TYW1B: variants seen among roughly 807,000 people sequenced by gnomAD.
The protein encoded by TYW1B is S-adenosyl-L-methionine-dependent tRNA 4-demethylwyosine synthase TYW1B.
TYW1B carries 73 observed loss-of-function variants against 86.9 expected under a neutral mutation model. The ratio of observed to expected loss-of-function variants is 0.84; its 90% confidence interval spans 0.70 to 1.02. TYW1B has a LOEUF of 1.02. Among genes scored for constraint, TYW1B ranks in the 50% least tolerant of loss-of-function variants. The pLI is 0.00. For synonymous variants in TYW1B, 248 were observed against 292.8 expected (o/e 0.85, Z 1.56); for missense variants, 637 against 827.4 (o/e 0.77, Z 2.82).
At chr7:72,750,148 A>G (rs1026617977) in intron 7 of TYW1B, among the ~76,000 whole-genome samples, 3 of 151,596 alleles carry the variant, frequency 2.0e-5, no homozygotes, top group African/African-American at 7.3e-5. Flanking sequence ...TAATTGGCCC[A>G]CCTCAGCCTC....
intron 13 of TYW1B, among the ~76,000 whole-genome samples, chr7:72,593,439 C>T (rs1352374078): frequency 2.6e-5 from 4 of 152,100 alleles, no homozygotes; most frequent in Admixed American, 1.3e-4. Flanking sequence ...CCAGGAAAGG[C>T]GGTAAGTTAG....
chr7:72,667,223 G>A (rs1458054867), intron 11 of TYW1B, among the ~76,000 whole-genome samples: 1 of 151,954 alleles, frequency 6.6e-6, no homozygotes, highest in African/African-American at 2.4e-5. Flanking sequence ...AAATTAGTAG[G>A]CCTTTCAAAT....
chr7:72,712,435 T>C (rs1170325504), intron 10 of TYW1B, among the ~76,000 whole-genome samples: 1 of 152,074 alleles, frequency 6.6e-6, no homozygotes, highest in Non-Finnish European at 1.5e-5. Context: ...TTCAAGCGAT[T>C]CTCCTGCCTC....
chr7:72,815,735 T>C (rs529159522), intron 2 of TYW1B, among the ~76,000 whole-genome samples: 1 of 152,276 alleles, frequency 6.6e-6, no homozygotes, highest in East Asian at 1.9e-4. Context: ...CAATCTGCCT[T>C]GCCCTACTAG....
intron 8 of TYW1B, 97 bp from the exon 9 acceptor site, chr7:72,729,028 TC>T (rs1787057660): frequency 4.3e-6 from 5 of 1,170,174 alleles, no homozygotes; most frequent in Non-Finnish European, 3.7e-6. Context: ...AATCACAAAA[TC>T]AGGACTGGTT....
At chr7:72,586,729 G>A (rs1427516267) in intron 13 of TYW1B, among the ~76,000 whole-genome samples, 2 of 149,670 alleles carry the variant, frequency 1.3e-5, no homozygotes, top group Admixed American at 6.8e-5. Context: ...AGAGTGAGAC[G>A]CCCATCTCAA....
chr7:72,609,593 A>C (rs1307749795), intron 13 of TYW1B, among the ~76,000 whole-genome samples: 1 of 152,070 alleles, frequency 6.6e-6, no homozygotes, highest in African/African-American at 2.4e-5. Flanking sequence ...TAAATTGAGC[A>C]ATCTCCTGAG....
intron 7 of TYW1B, among the ~76,000 whole-genome samples, chr7:72,767,405 G>C (rs1412540026): frequency 2.6e-5 from 4 of 151,880 alleles, no homozygotes; most frequent in Admixed American, 6.6e-5. Flanking sequence ...AGGAGATCGA[G>C]ACCATCCTGG....
chr7:72,709,309 A>T (rs1814687311), intron 10 of TYW1B, among the ~76,000 whole-genome samples: 1 of 152,158 alleles, frequency 6.6e-6, no homozygotes, highest in Non-Finnish European at 1.5e-5. Context: ...AATGCAACAC[A>T]ATTTGCCTGC....
chr7:72,618,310 G>A (rs1563032459), intron 12 of TYW1B, among the ~76,000 whole-genome samples: 1 of 142,604 alleles, frequency 7.0e-6, no homozygotes, highest in African/African-American at 2.6e-5. Context: ...TCCGCCTCCT[G>A]GGTTGAAGCG....
intron 8 of TYW1B, among the ~76,000 whole-genome samples, chr7:72,740,210 G>A (rs1787277894): frequency 6.6e-6 from 1 of 151,872 alleles, no homozygotes; most frequent in Non-Finnish European, 1.5e-5. Flanking sequence ...TCCAGCCTGG[G>A]CGACAGAGTG....
chr7:72,703,020 A>AT lies in TYW1B; in HGVS notation c.1371-8199dup, dbSNP rs1814520770. 9.0e-3 allele frequency among the ~76,000 whole-genome samples: 91 copies of AT among 10,120 alleles called. 1 individual carries two copies. The highest frequency in any genetic ancestry group is 0.036 in the African/African-American group (89 of 2,502). 6.6% of individuals were successfully genotyped at this position (10,120 alleles called of 152,430 possible). Reference sequence around the variant, plus strand: ...TATATATATATATATATATATATATATATATATTTTTTTTTTTTTTTTGAG... The same window carrying AT: ...TATATATATATATATATATATATATATTATATATTTTTTTTTTTTTTTTGAG... On this transcript the variant is annotated intron_variant, in intron 10 of 13. Coordinates refer to ENST00000620995, the MANE Select transcript of TYW1B (RefSeq NM_001145440.3).
At chr7:72,580,390 G>A (rs1811125302) in intron 13 of TYW1B, among the ~76,000 whole-genome samples, 1 of 152,150 alleles carries the variant, frequency 6.6e-6, no homozygotes, top group Non-Finnish European at 1.5e-5. Context: ...CCTGAGACAC[G>A]AGGTCACCCT....
At position 72,632,316 on chromosome 7, in the gene TYW1B, ATATAT is replaced by A. The variant is rs1276753346; in HGVS notation, c.1507-3324_1507-3320del. Among the ~76,000 whole-genome samples the A allele has an allele frequency of 5.3e-3, 505 of 94,610 alleles. 14 individuals carry two copies. Among genetic ancestry groups the A allele is most frequent in the African/African-American group, 0.024 (465 of 19,554 alleles). The allele number at this position is 94,610 out of a possible 152,430, so 62.1% of individuals were successfully genotyped here. A position where few individuals can be genotyped will look rare whatever the true frequency, so the allele number is the denominator to read the frequency against. On this transcript the variant is annotated intron_variant, in intron 11 of 13. Transcript: ENST00000620995. ...ATATATATACGTGTATATATATTAT[ATATAT>A]TATATATATATACACGTATATATAT...
intron 13 of TYW1B, among the ~76,000 whole-genome samples, chr7:72,611,738 G>A (rs1410114956): frequency 6.6e-6 from 1 of 151,980 alleles, no homozygotes; most frequent in Non-Finnish European, 1.5e-5. Context: ...ATACCCATGT[G>A]CCTGACACAC....
At chr7:72,729,769 G>A (rs1337049967) in intron 8 of TYW1B, among the ~76,000 whole-genome samples, 1 of 152,022 alleles carries the variant, frequency 6.6e-6, no homozygotes, top group Non-Finnish European at 1.5e-5. Context: ...AAGGCCCAAG[G>A]ACCATTCTGC....
intron 10 of TYW1B, among the ~76,000 whole-genome samples, chr7:72,705,311 A>C (rs1554453445): frequency 6.6e-6 from 1 of 152,236 alleles, no homozygotes. Context: ...TGAATGTCTC[A>C]GCAAAAACTA....
intron 7 of TYW1B, among the ~76,000 whole-genome samples, chr7:72,766,230 A>G (rs1357574257): frequency 6.6e-6 from 1 of 152,224 alleles, no homozygotes; most frequent in Non-Finnish European, 1.5e-5. Context: ...AACTTATTCA[A>G]TTGGTTTTCT....
chr7:72,653,847 C>T (rs1161811842), intron 11 of TYW1B, among the ~76,000 whole-genome samples: 2 of 151,846 alleles, frequency 1.3e-5, no homozygotes, highest in African/African-American at 2.4e-5. Context: ...TTTGGGAGGC[C>T]GAAGCGGGTG....
Sources: allele counts gnomAD v4.1 joint callset (sites outside exome capture counted in the v4.1 genomes callset), GRCh38; gene constraint gnomAD v4.1.1; transcripts MANE v1.5; gene names NCBI Gene and HGNC (gene_info 2026-07-23, HGNC 2026-07-21).